ZFPM2: variants seen among roughly 807,000 people sequenced by gnomAD.
ZFPM2 encodes the protein zinc finger protein ZFPM2.
ZFPM2 carries 20 observed loss-of-function variants against 98.6 expected under a neutral mutation model. That is an observed-to-expected ratio of 0.20 (90% CI 0.14 to 0.29). ZFPM2 has a LOEUF of 0.29. ZFPM2 is among the 10% of genes least tolerant of loss of function. The pLI is 1.00. For missense variants in ZFPM2, 1,310 were observed against 1,388.6 expected, an observed-to-expected ratio of 0.94 and a Z score of 0.90; for synonymous variants, 518 against 502.7, an observed-to-expected ratio of 1.03 and a Z score of -0.41.
chr8:105,382,695 G>A (rs1217015362), intron 1 of ZFPM2, among the ~76,000 whole-genome samples: 1 of 151,984 alleles, frequency 6.6e-6, no homozygotes, highest in East Asian at 1.9e-4. Context: ...GTGATTTTAT[G>A]ATGGAAAGAC....
chr8:105,392,378 C>T (rs1244680559), intron 1 of ZFPM2, among the ~76,000 whole-genome samples: 1 of 152,138 alleles, frequency 6.6e-6, no homozygotes, highest in Admixed American at 6.6e-5. Context: ...ATAAATTAAT[C>T]TAGGTAATTA....
intron 3 of ZFPM2, among the ~76,000 whole-genome samples, chr8:105,478,572 A>G (rs543840103): frequency 4.3e-4 from 66 of 152,330 alleles, no homozygotes; most frequent in Non-Finnish European, 8.7e-4. Flanking sequence ...TTTGTCACTC[A>G]TCCTTGTAGT....
intron 3 of ZFPM2, among the ~76,000 whole-genome samples, chr8:105,555,391 T>C (rs761508001): frequency 5.9e-5 from 9 of 152,060 alleles, no homozygotes; most frequent in Non-Finnish European, 1.3e-4. Flanking sequence ...ACATAGAAGG[T>C]TGAACAAGTG....
intron 5 of ZFPM2, among the ~76,000 whole-genome samples, chr8:105,665,298 A>G (rs559661947): frequency 1.8e-4 from 28 of 152,290 alleles, no homozygotes; most frequent in African/African-American, 6.5e-4. Context: ...GTATTGAGAA[A>G]TTAAGGTTCC....
At chr8:105,693,044 A>G (rs1286958978) in intron 5 of ZFPM2, among the ~76,000 whole-genome samples, 2 of 152,240 alleles carry the variant, frequency 1.3e-5, no homozygotes, top group African/African-American at 2.4e-5. Context: ...AGAGCATGAC[A>G]TGAGAAGAGC....
chr8:105,791,391 T>C (rs1813606808), intron 6 of ZFPM2, among the ~76,000 whole-genome samples: 1 of 152,356 alleles, frequency 6.6e-6, no homozygotes, highest in East Asian at 1.9e-4. Flanking sequence ...CTGGATTACA[T>C]TTACTGATTT....
intron 3 of ZFPM2, among the ~76,000 whole-genome samples, chr8:105,484,577 T>C (rs1347901470): frequency 2.0e-5 from 3 of 152,224 alleles, no homozygotes; most frequent in Admixed American, 6.5e-5. Context: ...TTTCATTTAC[T>C]CATTGAGTTA....
intron 3 of ZFPM2, among the ~76,000 whole-genome samples, chr8:105,537,359 A>T (rs1814474878): frequency 6.6e-6 from 1 of 152,334 alleles, no homozygotes; most frequent in Admixed American, 6.5e-5. Context: ...AGAAAATAAA[A>T]GTTAAGACAG....
chr8:105,725,321 GA>G (rs954177359), intron 5 of ZFPM2, among the ~76,000 whole-genome samples: 3 of 151,188 alleles, frequency 2.0e-5, no homozygotes, highest in African/African-American at 7.3e-5. Context: ...GTTATTTTCT[GA>G]AAAAAAATTC....
At chr8:105,543,311 C>T (rs1268839085) in intron 3 of ZFPM2, among the ~76,000 whole-genome samples, 2 of 152,248 alleles carry the variant, frequency 1.3e-5, no homozygotes, top group Non-Finnish European at 2.9e-5. Context: ...CACGGTGAAA[C>T]TCCATCTCTA....
chr8:105,443,743 C>G (rs1812312896), intron 2 of ZFPM2, among the ~76,000 whole-genome samples: 1 of 152,070 alleles, frequency 6.6e-6, no homozygotes, highest in Non-Finnish European at 1.5e-5. Flanking sequence ...GAGTCACTGG[C>G]TAATCATTTA....
chr8:105,592,047 G>T (rs1262424435), intron 4 of ZFPM2, among the ~76,000 whole-genome samples: 3 of 151,698 alleles, frequency 2.0e-5, no homozygotes, highest in Non-Finnish European at 4.4e-5. Flanking sequence ...GGCTTACAAG[G>T]CATTATGAAA....
intron 3 of ZFPM2, among the ~76,000 whole-genome samples, chr8:105,516,071 G>A (rs1316617583): frequency 4.0e-5 from 6 of 151,858 alleles, no homozygotes; most frequent in Non-Finnish European, 7.4e-5. Context: ...GATTGCAGGC[G>A]CCCACAACCA....
At chr8:105,586,002 G>GGTGT (rs142133685) in intron 4 of ZFPM2, among the ~76,000 whole-genome samples, 2,437 of 142,720 alleles carry the variant, frequency 0.017, 53 homozygotes, top group African/African-American at 0.043. Flanking sequence ...GGGGGGAAGG[G>GGTGT]GTGTGTGTGT....
intron 3 of ZFPM2, among the ~76,000 whole-genome samples, chr8:105,517,687 A>G (rs1813959083): frequency 9.6e-6 from 1 of 103,994 alleles, no homozygotes; most frequent in African/African-American, 5.5e-5. Context: ...CTATCCACAC[A>G]CACACCACAC....
chr8:105,655,234 T>C (rs992528037), intron 5 of ZFPM2, among the ~76,000 whole-genome samples: 3 of 144,532 alleles, frequency 2.1e-5, no homozygotes, highest in African/African-American at 7.7e-5. Context: ...TTTTTTTTTT[T>C]TTTTTTTTTT....
Position 105,526,255 on chromosome 8 carries a change from C to T in ZFPM2, c.302-35108C>T, listed in dbSNP as rs139525690. ...AATATTCCAAATTAATATACAAAATCATTCCCTCCAGAGCCTTATATCTAA... is the reference window on the plus strand; with the variant it reads ...AATATTCCAAATTAATATACAAAATTATTCCCTCCAGAGCCTTATATCTAA... On this transcript the variant is annotated intron_variant, in intron 3 of 7. Transcript: ENST00000407775. Among the ~76,000 whole-genome samples, 464 of 152,236 alleles carry T rather than the reference C, an allele frequency of 3.0e-3. 3 individuals carry two copies. The highest frequency in any genetic ancestry group is 0.014 in the Middle Eastern group (4 of 294).
chr8:105,682,287 T>C (rs1486891336), intron 5 of ZFPM2, among the ~76,000 whole-genome samples: 1 of 152,124 alleles, frequency 6.6e-6, no homozygotes, highest in African/African-American at 2.4e-5. Context: ...GGCATCATCA[T>C]TCTCGTGTCA....
chr8:105,783,446 C>T (rs1813319202), intron 5 of ZFPM2, among the ~76,000 whole-genome samples: 2 of 151,954 alleles, frequency 1.3e-5, no homozygotes, highest in Non-Finnish European at 2.9e-5. Context: ...GTGTATAGTT[C>T]AGTGGCATTC....
Sources: allele counts gnomAD v4.1 joint callset (sites outside exome capture counted in the v4.1 genomes callset), GRCh38; gene constraint gnomAD v4.1.1; transcripts MANE v1.5; gene names NCBI Gene and HGNC (gene_info 2026-07-23, HGNC 2026-07-21).